SLCO3A1: variants seen among roughly 807,000 people sequenced by gnomAD.
SLCO3A1 encodes PGE1 transporter.
A neutral mutation model predicts 63.1 loss-of-function variants in SLCO3A1; 27 were observed. The ratio of observed to expected loss-of-function variants is 0.43; its 90% CI spans 0.32 to 0.59. The LOEUF is 0.59. Ranked by LOEUF, SLCO3A1 falls within the 20% of genes least tolerant of loss-of-function variation. The probability of loss-of-function intolerance (pLI) is 0.09; values close to 1 mark genes in which losing one functional copy is unlikely to be tolerated. For synonymous variants in SLCO3A1, 473 were observed against 409.9 expected (o/e 1.15, Z -1.86); for missense variants, 773 against 945.8 (o/e 0.82, Z 2.40).
intron 2 of SLCO3A1, among the ~76,000 whole-genome samples, chr15:92,045,213 G>C (rs55986834): frequency 0.47 from 70,058 of 149,892 alleles, 18,233 homozygotes; most frequent in Admixed American, 0.66. Context: ...CTGGGAGGCG[G>C]AGGTTCCAGT....
At chr15:91,902,671 GTTGTTT>G (rs1400686060) in intron 1 of SLCO3A1, among the ~76,000 whole-genome samples, 3 of 152,020 alleles carry the variant, frequency 2.0e-5, no homozygotes, top group Non-Finnish European at 4.4e-5. Flanking sequence ...TCTTGAAATG[GTTGTTT>G]TTGACAGTTT....
intron 4 of SLCO3A1, among the ~76,000 whole-genome samples, chr15:92,113,570 C>G (rs1322141466): frequency 6.6e-6 from 1 of 152,206 alleles, no homozygotes; most frequent in Non-Finnish European, 1.5e-5. Context: ...TTCTCTCAAA[C>G]TTGCAAAGAG....
chr15:92,015,742 T>A (rs2151466017), intron 2 of SLCO3A1, among the ~76,000 whole-genome samples: 1 of 152,204 alleles, frequency 6.6e-6, no homozygotes, highest in Non-Finnish European at 1.5e-5. Context: ...GCCCAAGCAT[T>A]GCTGATGATA....
At chr15:91,864,490 CTTTTT>C (rs56982912) in intron 1 of SLCO3A1, among the ~76,000 whole-genome samples, 3 of 133,722 alleles carry the variant, frequency 2.2e-5, no homozygotes, top group Non-Finnish European at 4.8e-5. Context: ...AAATGTTCCT[CTTTTT>C]TTTTTTTTTT....
chr15:92,075,374 T>G (rs771263363), intron 2 of SLCO3A1, among the ~76,000 whole-genome samples: 2 of 152,094 alleles, frequency 1.3e-5, no homozygotes, highest in East Asian at 3.9e-4. Context: ...CCCCTCTAAA[T>G]GTCACATTCC....
At chr15:92,161,427 CAGAG>C (rs1435604988) in intron 9 of SLCO3A1, 1 of 152,156 alleles carries the variant, frequency 6.6e-6, no homozygotes, top group Non-Finnish European at 1.5e-5. Context: ...CAAAGAAACA[CAGAG>C]AGGAACAGGG....
chr15:91,982,365 G>A lies in SLCO3A1; in HGVS notation c.646+65907G>A, dbSNP rs116028971. 4.3e-3 allele frequency among the ~76,000 whole-genome samples: 662 copies of A among 152,374 alleles called. 5 individuals carry two copies. The highest frequency in any genetic ancestry group is 0.015 in the African/African-American group (628 of 41,584). On this transcript the variant is annotated intron_variant, in intron 2 of 9. Transcript: ENST00000318445. ...GCCTTGGCTCTGGGGAGGGCTTGTA[G>A]GCGAAAGAGTTGTAGTTTCTTTCGA...
At chr15:91,997,117 G>A (rs796666200) in intron 2 of SLCO3A1, among the ~76,000 whole-genome samples, 10 of 152,238 alleles carry the variant, frequency 6.6e-5, no homozygotes, top group South Asian at 2.1e-4. Flanking sequence ...GATTCCACCC[G>A]AAGGTCCCTG....
At chr15:92,113,172 C>T (rs2047750510) in intron 4 of SLCO3A1, among the ~76,000 whole-genome samples, 1 of 152,168 alleles carries the variant, frequency 6.6e-6, no homozygotes, top group South Asian at 2.1e-4. Context: ...TGATCCCGAG[C>T]GGAGCCTGCG....
intron 1 of SLCO3A1, among the ~76,000 whole-genome samples, chr15:91,868,207 A>T (rs1205156427): frequency 6.6e-6 from 1 of 151,722 alleles, no homozygotes; most frequent in East Asian, 1.9e-4. Context: ...GTGCACTACC[A>T]CGCCCAGCAG....
At chr15:91,957,292 G>A (rs1346913216) in intron 2 of SLCO3A1, among the ~76,000 whole-genome samples, 1 of 145,886 alleles carries the variant, frequency 6.9e-6, no homozygotes, top group Non-Finnish European at 1.5e-5. Context: ...ACTTCTAACT[G>A]AAAACCCTTC....
intron 7 of SLCO3A1, among the ~76,000 whole-genome samples, chr15:92,141,811 G>A (rs2048136267): frequency 6.6e-6 from 1 of 152,146 alleles, no homozygotes; most frequent in Non-Finnish European, 1.5e-5. Context: ...TTAGCACAAC[G>A]TTGGACAAAT....
At chr15:91,911,813 G>A (rs1015304669) in intron 1 of SLCO3A1, among the ~76,000 whole-genome samples, 4 of 152,016 alleles carry the variant, frequency 2.6e-5, no homozygotes, top group African/African-American at 7.2e-5. Flanking sequence ...TTTTAGTAGA[G>A]ATGGGGTTTC....
At chr15:92,105,599 G>A (rs2047658386) in intron 4 of SLCO3A1, among the ~76,000 whole-genome samples, 1 of 152,186 alleles carries the variant, frequency 6.6e-6, no homozygotes, top group African/African-American at 2.4e-5. Flanking sequence ...TAGCCTGGCA[G>A]TCTCAGAAGC....
intron 1 of SLCO3A1, among the ~76,000 whole-genome samples, chr15:91,909,906 C>T (rs1273829405): frequency 2.6e-5 from 4 of 152,244 alleles, no homozygotes; most frequent in African/African-American, 9.6e-5. Context: ...AGCCTCCTCT[C>T]TCCCCAGCAC....
chr15:91,879,245 A>G (rs970838930), intron 1 of SLCO3A1, among the ~76,000 whole-genome samples: 2 of 151,758 alleles, frequency 1.3e-5, no homozygotes, highest in African/African-American at 4.8e-5. Context: ...TAAAGCAGGT[A>G]CGTTTTGCAC....
intron 8 of SLCO3A1, among the ~76,000 whole-genome samples, chr15:92,147,807 G>A (rs1481283963): frequency 6.6e-6 from 1 of 152,196 alleles, no homozygotes; most frequent in Non-Finnish European, 1.5e-5. Flanking sequence ...TGAGCCATTA[G>A]TAATATTCTG....
chr15:92,131,619 C>T lies in SLCO3A1; in HGVS notation c.1512+3130C>T, dbSNP rs534312260. Among the ~76,000 whole-genome samples, 8 of 145,586 alleles carry T rather than the reference C, an allele frequency of 5.5e-5. 1 individual carries two copies. Among genetic ancestry groups the T allele is most frequent in the African/African-American group, 9.9e-5 (4 of 40,236 alleles). On this transcript the variant is annotated intron_variant, in intron 7 of 9. Transcript: ENST00000318445. Reference sequence around the variant, plus strand: ...CTGACCTCAAGTGATCCACCCGTCTCGGCCTCCCAAAGTGCTGGGATTACA... The same window carrying T: ...CTGACCTCAAGTGATCCACCCGTCTTGGCCTCCCAAAGTGCTGGGATTACA...
At chr15:91,915,629 C>A (rs973804899) in intron 1 of SLCO3A1, among the ~76,000 whole-genome samples, 1 of 152,042 alleles carries the variant, frequency 6.6e-6, no homozygotes, top group Admixed American at 6.5e-5. Flanking sequence ...TGTGTGCAAA[C>A]CGCGCACTTC....
Sources: allele counts gnomAD v4.1 joint callset (sites outside exome capture counted in the v4.1 genomes callset), GRCh38; gene constraint gnomAD v4.1.1; transcripts MANE v1.5; gene names NCBI Gene and HGNC (gene_info 2026-07-23, HGNC 2026-07-21).